The following INSYN2B variants were observed in gnomAD, a reference collection of about 807,000 sequenced individuals.
INSYN2B encodes the protein inhibitory synaptic factor family member 2B.
INSYN2B carries 16 observed loss-of-function variants against 41.2 expected under a neutral mutation model. The observed-to-expected ratio is 0.39, with a 90% CI of 0.26 to 0.59. The LOEUF is 0.59. Ranked by LOEUF, INSYN2B falls within the 20% of genes least tolerant of loss-of-function variation. The pLI, the probability that INSYN2B is intolerant of heterozygous loss-of-function variation, is 0.57. For missense variants in INSYN2B, 608 were observed against 646.4 expected, an observed-to-expected ratio of 0.94 and a Z score of 0.64; for synonymous variants, 245 against 244.4, an observed-to-expected ratio of 1.00 and a Z score of -0.02.
At chr5:169,967,049 T>A (rs1421481794) in intron 1 of INSYN2B, among the ~76,000 whole-genome samples, 1 of 152,258 alleles carries the variant, frequency 6.6e-6, no homozygotes, top group East Asian at 1.9e-4. Context: ...GTACCTCCTA[T>A]GTGCCAGGCA....
intron 2 of INSYN2B, among the ~76,000 whole-genome samples, chr5:169,881,910 C>T (rs761367438): frequency 1.3e-5 from 2 of 152,164 alleles, no homozygotes; most frequent in African/African-American, 2.4e-5. Context: ...TCTGCAGGGA[C>T]GAGCATTTCG....
intron 1 of INSYN2B, among the ~76,000 whole-genome samples, chr5:169,910,859 A>G (rs1390192707): frequency 6.6e-6 from 1 of 152,100 alleles, no homozygotes; most frequent in East Asian, 1.9e-4. Flanking sequence ...TCTCCAGCCC[A>G]CCTAGTCGGT....
At chr5:169,932,916 C>T (rs1775824265) in intron 1 of INSYN2B, among the ~76,000 whole-genome samples, 1 of 152,138 alleles carries the variant, frequency 6.6e-6, no homozygotes, top group South Asian at 2.1e-4. Flanking sequence ...CATCCTCAAA[C>T]TGTAGCAGTT....
intron 3 of INSYN2B, among the ~76,000 whole-genome samples, chr5:169,870,283 C>G (rs1771870194): frequency 6.6e-6 from 1 of 152,144 alleles, no homozygotes; most frequent in Admixed American, 6.5e-5. Context: ...AGTGCTCCAG[C>G]CATCATGCTC....
chr5:169,907,755 A>C (rs1437855292), intron 1 of INSYN2B, among the ~76,000 whole-genome samples: 3 of 152,164 alleles, frequency 2.0e-5, no homozygotes, highest in Non-Finnish European at 4.4e-5. Context: ...ACTAGGGGTG[A>C]CTTTGCCCCC....
At position 169,923,268 on chromosome 5, in the gene INSYN2B, G is replaced by A. The variant is rs1581422636; in HGVS notation, c.-918-38452C>T. Among the ~76,000 whole-genome samples the A allele has an allele frequency of 2.6e-5, 4 of 152,168 alleles. No homozygotes were observed. In the East Asian group the frequency reaches 7.7e-4, roughly 29 times the overall value. ...GGTGTAAACATGAGATGTCTGGGTGGTAAGCTTATATGAATGGTTTTTACT... is the reference window on the plus strand; with the variant it reads ...GGTGTAAACATGAGATGTCTGGGTGATAAGCTTATATGAATGGTTTTTACT... On this transcript the variant is annotated intron_variant, in intron 1 of 3. Coordinates refer to ENST00000377365, the MANE Select transcript of INSYN2B (RefSeq NM_001129891.3).
At chr5:169,959,119 A>G (rs1310258056) in intron 1 of INSYN2B, among the ~76,000 whole-genome samples, 2 of 151,626 alleles carry the variant, frequency 1.3e-5, no homozygotes, top group African/African-American at 2.4e-5. Flanking sequence ...CTGGCTGGGC[A>G]TGGTGGCTCA....
intron 3 of INSYN2B, among the ~76,000 whole-genome samples, chr5:169,880,656 T>A (rs1772588913): frequency 6.6e-6 from 1 of 152,204 alleles, no homozygotes; most frequent in South Asian, 2.1e-4. Context: ...CACATTCACA[T>A]ATATTATTTC....
intron 1 of INSYN2B, among the ~76,000 whole-genome samples, chr5:169,902,035 C>T (rs560308026): frequency 1.2e-4 from 18 of 152,270 alleles, no homozygotes; most frequent in African/African-American, 3.9e-4. Context: ...ATCAGTCAAA[C>T]GGTTTGTTTC....
At chr5:169,971,240 A>G (rs1464084386) in intron 1 of INSYN2B, among the ~76,000 whole-genome samples, 1 of 151,996 alleles carries the variant, frequency 6.6e-6, no homozygotes, top group Non-Finnish European at 1.5e-5. Context: ...CCAATGAATC[A>G]ATGAAGTATC....
At chr5:169,911,367 T>C (rs1435378817) in intron 1 of INSYN2B, among the ~76,000 whole-genome samples, 1 of 152,192 alleles carries the variant, frequency 6.6e-6, no homozygotes, top group African/African-American at 2.4e-5. Flanking sequence ...CTTTTCATGC[T>C]ATGGCGTTCA....
At chr5:169,946,831 C>T (rs1776469227) in intron 1 of INSYN2B, among the ~76,000 whole-genome samples, 2 of 152,192 alleles carry the variant, frequency 1.3e-5, no homozygotes, top group South Asian at 2.1e-4. Flanking sequence ...TGGGCAGTGA[C>T]ATGGAAAGGG....
chr5:169,936,730 C>T (rs562113420), intron 1 of INSYN2B, among the ~76,000 whole-genome samples: 1 of 152,004 alleles, frequency 6.6e-6, no homozygotes, highest in Non-Finnish European at 1.5e-5. Flanking sequence ...AGATTTGGTG[C>T]ACCAACACTG....
chr5:169,952,941 T>C (rs934093741), intron 1 of INSYN2B, among the ~76,000 whole-genome samples: 3 of 152,082 alleles, frequency 2.0e-5, no homozygotes, highest in Non-Finnish European at 4.4e-5. Flanking sequence ...AAACAGTAGG[T>C]TGATTGTGGT....
intron 1 of INSYN2B, among the ~76,000 whole-genome samples, chr5:169,926,852 C>T (rs994280776): frequency 4.6e-5 from 7 of 152,110 alleles, no homozygotes; most frequent in African/African-American, 1.7e-4. Flanking sequence ...CAATGTCCCT[C>T]CCTCTAGGTC....
At chr5:169,968,158 A>G (rs1279218321) in intron 1 of INSYN2B, among the ~76,000 whole-genome samples, 1 of 152,238 alleles carries the variant, frequency 6.6e-6, no homozygotes, top group Non-Finnish European at 1.5e-5. Flanking sequence ...TAATCTCATG[A>G]GAAATGGCCA....
intron 1 of INSYN2B, among the ~76,000 whole-genome samples, chr5:169,942,367 A>G (rs1776276324): frequency 6.6e-6 from 1 of 152,196 alleles, no homozygotes; most frequent in Non-Finnish European, 1.5e-5. Context: ...AGGAGGAGAA[A>G]TATGTAAAGA....
chr5:169,963,618 C>A (rs1029227512), intron 1 of INSYN2B, among the ~76,000 whole-genome samples: 2 of 152,142 alleles, frequency 1.3e-5, no homozygotes, highest in African/African-American at 4.8e-5. Flanking sequence ...CACATCAAAG[C>A]AGGAGTTACT....
chr5:169,920,714 C>T (rs1307400914), intron 1 of INSYN2B, among the ~76,000 whole-genome samples: 2 of 152,172 alleles, frequency 1.3e-5, no homozygotes, highest in Non-Finnish European at 2.9e-5. Context: ...TGCTCATTCC[C>T]GTCTCCCGTC....
Sources: gnomAD v4.1 joint callset for allele counts (sites outside exome capture counted in the v4.1 genomes callset) on GRCh38, gnomAD v4.1.1 for gene constraint, MANE v1.5 for transcripts, NCBI Gene and HGNC (gene_info 2026-07-23, HGNC 2026-07-21) for gene names.